PRH1: variants seen among roughly 807,000 people sequenced by gnomAD.
PRH1 encodes salivary acidic proline-rich phosphoprotein 1/2.
Under a neutral mutation model 7.9 loss-of-function variants are expected in PRH1, and 7 were observed. The observed-to-expected ratio is 0.89, with a 90% CI of 0.50 to 1.67. The LOEUF (loss-of-function observed/expected upper bound fraction) is 1.67, where lower values mean the gene tolerates loss of function less well. Ranked by LOEUF, PRH1 falls within the 40% of genes most tolerant of loss-of-function variation. The pLI, the probability that PRH1 is intolerant of heterozygous loss-of-function variation, is 0.00. For missense variants in PRH1, 109 were observed against 223.6 expected, an observed-to-expected ratio of 0.49 and a Z score of 3.27; for synonymous variants, 45 against 80.8, an observed-to-expected ratio of 0.56 and a Z score of 2.38.
At chr12:10,897,183 C>T (rs1356453525) in intron 2 of PRH1, among the ~76,000 whole-genome samples, 16 of 152,234 alleles carry the variant, frequency 1.1e-4, no homozygotes, top group Admixed American at 5.2e-4. Flanking sequence ...ACATGTCACA[C>T]GTGGCTTTTT....
intron 1 of PRH1, among the ~76,000 whole-genome samples, chr12:10,980,691 T>C (rs2135969320): frequency 6.6e-6 from 1 of 152,228 alleles, no homozygotes; most frequent in Admixed American, 6.5e-5. Context: ...TGATTAAAGG[T>C]TGAAGAACTG....
Position 11,070,743 on chromosome 12 carries a change from A to G in PRH1, n.124-23555T>C, listed in dbSNP as rs778531844. On this transcript the variant is annotated intron_variant and non_coding_transcript_variant, in intron 1 of 4. Coordinates refer to the PRH1 transcript ENST00000541977. ...GGCCACCCCAGCAGAGCCTGAACTA[A>G]CACTAATTATCTAGGTACCCAAAAG... 8.0e-4 allele frequency among the ~76,000 whole-genome samples: 96 copies of G among 119,446 alleles called. 1 individual carries two copies. The highest frequency in any genetic ancestry group is 3.9e-3 in the Middle Eastern group (1 of 258). The allele number at this position is 119,446 out of a possible 152,430, so 78.4% of individuals were successfully genotyped here. A position where few individuals can be genotyped will look rare whatever the true frequency, so the allele number is the denominator to read the frequency against.
intron 1 of PRH1, among the ~76,000 whole-genome samples, chr12:10,994,129 G>T (rs1222009834): frequency 6.6e-6 from 1 of 152,196 alleles, no homozygotes. Context: ...ACAAACATGT[G>T]CTTCCTCAGA....
chr12:11,112,552 C>A (rs1057051933), intron 1 of PRH1, among the ~76,000 whole-genome samples: 5 of 152,036 alleles, frequency 3.3e-5, no homozygotes, highest in African/African-American at 9.7e-5. Context: ...ATGACAAAAA[C>A]CACATGATTA....
chr12:11,025,223 T>A (rs1941848444), intron 1 of PRH1, among the ~76,000 whole-genome samples: 1 of 152,152 alleles, frequency 6.6e-6, no homozygotes, highest in African/African-American at 2.4e-5. Flanking sequence ...TTTCACCGTG[T>A]TAGCCAGCAT....
intron 1 of PRH1, among the ~76,000 whole-genome samples, chr12:11,017,736 G>C (rs1941368616): frequency 6.6e-6 from 1 of 151,958 alleles, no homozygotes; most frequent in East Asian, 1.9e-4. Context: ...CCAGTGATCT[G>C]CCTGCGTTGG....
intron 1 of PRH1, among the ~76,000 whole-genome samples, chr12:11,088,241 A>G (rs374679597): frequency 0.46 from 45,836 of 98,782 alleles, 5,032 homozygotes; most frequent in Non-Finnish European, 0.54. Flanking sequence ...CTAGCAATGC[A>G]GAGGTGGGGG....
In PRH1 at chr12:11,017,877, T is replaced by G. The variant is rs146593446; in HGVS notation, c.-126+29143A>C. On this transcript the variant is annotated intron_variant, in intron 1 of 3. Coordinates refer to the PRH1 transcript ENST00000539853. ...ACGGCGTTTATTGAGCCTCTAGGGA[T>G]TTTGGAGTCCAAAAATACCACAGTA... Among the ~76,000 whole-genome samples, 1,133 of 152,212 alleles carry G rather than the reference T, an allele frequency of 7.4e-3. 6 individuals carry two copies. Among genetic ancestry groups the G allele is most frequent in the Non-Finnish European group, 0.013 (890 of 68,016 alleles).
intron 1 of PRH1, among the ~76,000 whole-genome samples, chr12:11,136,244 C>G (rs1322434162): frequency 1.3e-5 from 2 of 152,170 alleles, no homozygotes; most frequent in Non-Finnish European, 2.9e-5. Flanking sequence ...CCTACATGTT[C>G]TTGTTGTTTG....
At position 11,037,470 on chromosome 12, in the gene PRH1, A is replaced by G. The variant is rs1942483146; in HGVS notation, c.-126+9550T>C. 2.0e-5 allele frequency among the ~76,000 whole-genome samples: 3 copies of G among 152,252 alleles called. No homozygotes were observed. In the South Asian group the frequency reaches 6.2e-4, roughly 31 times the overall value. On this transcript the variant is annotated intron_variant, in intron 1 of 3. Coordinates refer to the PRH1 transcript ENST00000539853. Reference sequence around the variant, plus strand: ...ACTTACAGGTGTACATGTGAATAGTATTGTGAAATTAAAATGCTAAAAATA... The same window carrying G: ...ACTTACAGGTGTACATGTGAATAGTGTTGTGAAATTAAAATGCTAAAAATA...
intron 2 of PRH1, chr12:10,937,602 TC>T (rs1950309724): frequency 6.6e-6 from 1 of 152,146 alleles, no homozygotes; most frequent in Non-Finnish European, 1.5e-5. Context: ...CTTTGAATGT[TC>T]AAACCATTTC....
intron 2 of PRH1, among the ~76,000 whole-genome samples, chr12:10,893,414 A>G (rs1050701813): frequency 4.6e-5 from 7 of 152,320 alleles, no homozygotes; most frequent in African/African-American, 1.7e-4. Flanking sequence ...TTTTGTCTGA[A>G]ATGTAAATTT....
intron 2 of PRH1, among the ~76,000 whole-genome samples, chr12:10,948,550 T>C (rs895760737): frequency 8.5e-5 from 13 of 152,216 alleles, no homozygotes; most frequent in Admixed American, 6.5e-5. Context: ...GATTCTTATT[T>C]TCCTTGGATT....
chr12:11,110,657 T>C (rs991391300), intron 1 of PRH1, among the ~76,000 whole-genome samples: 3 of 152,110 alleles, frequency 2.0e-5, no homozygotes, highest in Non-Finnish European at 2.9e-5. Flanking sequence ...AAGCAAGCAC[T>C]AAATGTGGAA....
At chr12:11,130,020 G>A (rs1946284116) in intron 1 of PRH1, among the ~76,000 whole-genome samples, 1 of 152,128 alleles carries the variant, frequency 6.6e-6, no homozygotes, top group Admixed American at 6.5e-5. Flanking sequence ...GCATGGTGTT[G>A]TGCCCCTGCA....
intron 1 of PRH1, chr12:10,973,740 A>G (rs774606491): frequency 1.3e-6 from 1 of 778,822 alleles, no homozygotes; most frequent in Non-Finnish European, 2.4e-6. Flanking sequence ...AGATAAATAA[A>G]AGGCCAAAAT....
chr12:11,091,675 T>A (rs376652112), intron 1 of PRH1: 2 of 1,256,570 alleles, frequency 1.6e-6, no homozygotes, highest in Non-Finnish European at 2.3e-6. Context: ...TGAAGGGTAC[T>A]AAGTTTGCTA....
chr12:10,887,375 A>T (rs1949507647), upstream of PRH1, among the ~76,000 whole-genome samples: 1 of 152,186 alleles, frequency 6.6e-6, no homozygotes, highest in Admixed American at 6.5e-5. Context: ...TAAACACAAT[A>T]GTCTCTGAGA....
At chr12:10,916,876 C>T (rs1239021000) in intron 2 of PRH1, among the ~76,000 whole-genome samples, 1 of 150,998 alleles carries the variant, frequency 6.6e-6, no homozygotes, top group African/African-American at 2.4e-5. Context: ...AAAAAGACCA[C>T]CTCTCTATAA....
Sources: allele counts gnomAD v4.1 joint callset (sites outside exome capture counted in the v4.1 genomes callset), GRCh38; gene constraint gnomAD v4.1.1; transcripts MANE v1.5; gene names NCBI Gene and HGNC (gene_info 2026-07-23, HGNC 2026-07-21).